The following GK variants were observed in gnomAD, a reference collection of about 807,000 sequenced individuals.
GK encodes glycerol kinase.
GK carries 9 observed loss-of-function variants against 56.4 expected under a neutral mutation model. That is an observed-to-expected ratio of 0.16 (90% CI 0.10 to 0.28). The LOEUF (loss-of-function observed/expected upper bound fraction) is 0.28, where lower values mean the gene tolerates loss of function less well. Ranked by LOEUF, GK falls within the 10% of genes least tolerant of loss-of-function variation. The pLI is 1.00. For synonymous variants in GK, 104 were observed against 144.1 expected, an observed-to-expected ratio of 0.72 and a Z score of 1.99; for missense variants, 161 against 431.4, an observed-to-expected ratio of 0.37 and a Z score of 5.55.
intron 2 of GK, among the ~76,000 whole-genome samples, chrX:30,667,029 C>T (rs113215358): frequency 0.053 from 5,837 of 110,469 alleles, 172 homozygotes; most frequent in Non-Finnish European, 0.077. Flanking sequence ...TGGCGGGCGC[C>T]TATAGTCCCA....
Position 30,708,032 on chromosome X carries a change from CTT to C in GK, c.895-13_895-12del. ...TCTTTTCATTTTCCACTACTGAAAT[CTT>C]TTTTTTTTCTTTCTTACAGTGTGTA... On this transcript the variant is annotated intron_variant, in intron 12 of 20. Transcript: ENST00000427190. 6 of 948,279 alleles carry C rather than the reference CTT, an allele frequency of 6.3e-6. No homozygotes were observed. The highest frequency in any genetic ancestry group is 5.9e-6 in the Non-Finnish European group (4 of 675,499). The allele number at this position is 948,279 out of a possible 1,213,427, so 78.1% of individuals were successfully genotyped here. A position where few individuals can be genotyped will look rare whatever the true frequency, so the allele number is the denominator to read the frequency against.
chrX:30,685,543 A>G (rs924086140), intron 4 of GK, among the ~76,000 whole-genome samples: 1 of 112,339 alleles, frequency 8.9e-6, no homozygotes. Context: ...AAAAAATTCC[A>G]TTATTACAGG....
intron 11 of GK, among the ~76,000 whole-genome samples, chrX:30,701,742 T>C (rs771370394): frequency 4.4e-5 from 5 of 112,447 alleles, no homozygotes; most frequent in Non-Finnish European, 9.4e-5. Flanking sequence ...GAAAGAATGA[T>C]AGAAGTAGAG....
intron 1 of GK, among the ~76,000 whole-genome samples, chrX:30,659,208 T>C (rs921956155): frequency 4.5e-5 from 5 of 111,465 alleles, no homozygotes; most frequent in African/African-American, 1.6e-4. Context: ...ATTTTTTGTA[T>C]TTTTAGTAGA....
chrX:30,664,270 C>G (rs1242908689), intron 1 of GK, among the ~76,000 whole-genome samples: 1 of 101,631 alleles, frequency 9.8e-6, no homozygotes. Flanking sequence ...CTCGGCTCAC[C>G]GCAACCTCCG....
chrX:30,698,234 TC>T (rs1935344510), intron 9 of GK: 1 of 115,012 alleles, frequency 8.7e-6, no homozygotes, highest in Admixed American at 8.9e-5. Flanking sequence ...ACATAGTAGA[TC>T]CTGTTGATAG....
chrX:30,697,334 G>A lies in GK; in HGVS notation c.730-398G>A, dbSNP rs1021231398. 2.9e-4 allele frequency among the ~76,000 whole-genome samples: 32 copies of A among 111,850 alleles called. No homozygotes were observed. The Admixed American group carries it at 3.1e-3, about 11-fold the overall frequency. ...CACAAAAATCTGGAATTTATGATAA[G>A]ACTCAGGAATAAGTCTGATAAATTA... On this transcript the variant is annotated intron_variant, in intron 8 of 20. Coordinates refer to ENST00000427190, the MANE Select transcript of GK (RefSeq NM_001205019.2).
chrX:30,728,024 A>G (rs367870210), intron 20 of GK, among the ~76,000 whole-genome samples: 79 of 111,800 alleles, frequency 7.1e-4, no homozygotes, highest in African/African-American at 2.1e-3. Context: ...CCCTAAAACC[A>G]GGGAAGATTT....
At chrX:30,690,169 T>C (rs1336418196) in intron 4 of GK, among the ~76,000 whole-genome samples, 1 of 112,282 alleles carries the variant, frequency 8.9e-6, no homozygotes, top group Non-Finnish European at 1.9e-5. Context: ...CATTCAAATA[T>C]GTGGTAGTGG....
intron 13 of GK, among the ~76,000 whole-genome samples, chrX:30,710,180 T>G: frequency 8.9e-6 from 1 of 111,807 alleles, no homozygotes; most frequent in African/African-American, 3.2e-5. Context: ...AAGTAACTTT[T>G]GACAACAGTA....
rs1191071823 is a variant in GK at position 30,721,274 on chromosome X, A to G, written c.1501+279A>G. 1.5e-5 allele frequency: 5 copies of G among 330,014 alleles called. No homozygotes were observed. In the Admixed American group the frequency reaches 2.0e-4, roughly 13 times the overall value. The allele number at this position is 330,014 out of a possible 1,213,427, so 27.2% of individuals were successfully genotyped here. A position where few individuals can be genotyped will look rare whatever the true frequency, so the allele number is the denominator to read the frequency against. On this transcript the variant is annotated intron_variant, in intron 18 of 20. Transcript: ENST00000427190. Reference sequence around the variant, plus strand: ...AGGATAATAATACTGCCACACTGTCAGGTATAGCTAGTTAGAATAGCCTTT... The same window carrying G: ...AGGATAATAATACTGCCACACTGTCGGGTATAGCTAGTTAGAATAGCCTTT...
At chrX:30,708,602 G>A (rs1020001018) in intron 13 of GK, among the ~76,000 whole-genome samples, 11 of 111,359 alleles carry the variant, frequency 9.9e-5, no homozygotes, top group Non-Finnish European at 2.1e-4. Context: ...AGAAAAGAAA[G>A]TGAGGAGATT....
intron 13 of GK, among the ~76,000 whole-genome samples, chrX:30,709,759 A>T (rs1936227136): frequency 9.0e-6 from 1 of 110,933 alleles, no homozygotes; most frequent in Admixed American, 9.6e-5. Context: ...ATATTAATTT[A>T]GACTTCATAT....
At chrX:30,658,870 T>A (rs1161238131) in intron 1 of GK, among the ~76,000 whole-genome samples, 1 of 112,458 alleles carries the variant, frequency 8.9e-6, no homozygotes. Flanking sequence ...GAACCAACAT[T>A]AGCAGCAAGG....
chrX:30,663,390 A>G (rs1932847226), intron 1 of GK, among the ~76,000 whole-genome samples: 1 of 111,694 alleles, frequency 9.0e-6, no homozygotes, highest in African/African-American at 3.3e-5. Context: ...TTGAGCACCA[A>G]CTTTGTGCCT....
At chrX:30,689,141 G>A (rs897981283) in intron 4 of GK, among the ~76,000 whole-genome samples, 1 of 112,210 alleles carries the variant, frequency 8.9e-6, no homozygotes, top group Non-Finnish European at 1.9e-5. Context: ...ACTGTATTTT[G>A]AAACACTGAG....
intron 13 of GK, among the ~76,000 whole-genome samples, chrX:30,715,375 T>C (rs1936565193): frequency 8.9e-6 from 1 of 112,382 alleles, no homozygotes; most frequent in Admixed American, 9.4e-5. Flanking sequence ...TGTCTAGTTT[T>C]AAAATAATTT....
chrX:30,723,427 T>C (rs1479823374), intron 18 of GK, among the ~76,000 whole-genome samples: 1 of 109,807 alleles, frequency 9.1e-6, no homozygotes, highest in Non-Finnish European at 1.9e-5. Context: ...TGTCTCCTTC[T>C]AGTCTTCCCA....
At chrX:30,718,733 T>C (rs113968502) in intron 14 of GK, 117 bp downstream of exon 14, 19 of 509,853 alleles carry the variant, frequency 3.7e-5, no homozygotes, top group African/African-American at 2.3e-5. Flanking sequence ...ATTATATGGA[T>C]CCCTATTATG....
Sources: allele counts gnomAD v4.1 joint callset (sites outside exome capture counted in the v4.1 genomes callset), GRCh38; gene constraint gnomAD v4.1.1; transcripts MANE v1.5; gene names NCBI Gene and HGNC (gene_info 2026-07-23, HGNC 2026-07-21).